ME3: variants seen among roughly 807,000 people sequenced by gnomAD.
ME3 encodes the protein malic enzyme 3, also known as NADP-dependent malic enzyme, mitochondrial.
A neutral mutation model predicts 68.9 loss-of-function variants in ME3; 48 were observed. That is an observed-to-expected ratio of 0.70 (90% CI 0.55 to 0.89). The LOEUF (loss-of-function observed/expected upper bound fraction) is 0.89, where lower values mean the gene tolerates loss of function less well. Ranked by LOEUF, ME3 falls within the 40% of genes least tolerant of loss-of-function variation. The pLI, the probability that ME3 is intolerant of heterozygous loss-of-function variation, is 0.00. For synonymous variants in ME3, 320 were observed against 318.8 expected (o/e 1.00, Z -0.04); for missense variants, 675 against 797.4 (o/e 0.85, Z 1.85).
chr11:86,465,877 C>T lies in ME3; in HGVS notation c.810-677G>A, dbSNP rs570966390. Among the ~76,000 whole-genome samples the T allele has an allele frequency of 2.0e-4, 31 of 152,302 alleles. No individual in the cohort carries two copies. In the South Asian group the frequency reaches 6.4e-3, roughly 32 times the overall value. The stretch of plus-strand genomic sequence containing the variant: ...GGTCACCAGGCCCATCTCACAGAGT[C>T]TCACTCGGAGTGTGGGATGGGGTCA... On this transcript the variant is annotated intron_variant, in intron 7 of 14. Transcript: ENST00000543262.
In ME3 at chr11:86,477,777, G is replaced by C. The variant is rs575432090; in HGVS notation, c.809+9560C>G. Among the ~76,000 whole-genome samples, 5 of 152,246 alleles carry C rather than the reference G, an allele frequency of 3.3e-5. No homozygotes were observed. The East Asian group carries it at 9.7e-4, about 29-fold the overall frequency. ...GCAAACTCACTCAATTATGCAGTCT[G>C]CTTGGTGCGATGGAAGTGAAAATGT... On this transcript the variant is annotated intron_variant, in intron 7 of 14. Transcript: ENST00000543262.
chr11:86,604,025 A>G (rs906076168), intron 2 of ME3, among the ~76,000 whole-genome samples: 6 of 151,608 alleles, frequency 4.0e-5, no homozygotes, highest in African/African-American at 1.5e-4. Context: ...CAGCACACCA[A>G]CGTGGCACAT....
intron 2 of ME3, among the ~76,000 whole-genome samples, chr11:86,599,125 AG>A (rs1422706144): frequency 6.6e-6 from 1 of 152,254 alleles, no homozygotes; most frequent in Non-Finnish European, 1.5e-5. Flanking sequence ...AGTTGAGAGA[AG>A]AAGGCTTCAG....
chr11:86,658,532 A>G (rs1288547777), intron 2 of ME3, among the ~76,000 whole-genome samples: 1 of 152,176 alleles, frequency 6.6e-6, no homozygotes, highest in Non-Finnish European at 1.5e-5. Context: ...TTGTGCCAGT[A>G]ATTTTGAGCC....
At chr11:86,564,391 A>G (rs368259811) in intron 2 of ME3, among the ~76,000 whole-genome samples, 206 of 151,982 alleles carry the variant, frequency 1.4e-3, no homozygotes, top group African/African-American at 4.1e-3. Flanking sequence ...CACATGGACT[A>G]GCAAGGGACC....
chr11:86,646,492 G>A (rs471780), intron 2 of ME3, among the ~76,000 whole-genome samples: 138,554 of 152,296 alleles, frequency 0.91, 63,113 homozygotes, highest in Middle Eastern at 0.96. Flanking sequence ...CATGAAGACA[G>A]GATTAGAGAA....
At chr11:86,454,266 G>A (rs1178507663) in intron 8 of ME3, among the ~76,000 whole-genome samples, 1 of 152,154 alleles carries the variant, frequency 6.6e-6, no homozygotes, top group Non-Finnish European at 1.5e-5. Context: ...TAGAGCAAAG[G>A]CATAAAATAT....
intron 9 of ME3, 53 bp downstream of exon 9, chr11:86,450,248 C>A (rs1949557911): frequency 1.3e-6 from 2 of 1,540,872 alleles, no homozygotes; most frequent in Non-Finnish European, 1.8e-6. Flanking sequence ...TATGCTTCCA[C>A]CCATTCTTAT....
intron 7 of ME3, among the ~76,000 whole-genome samples, chr11:86,484,871 G>A (rs1951601264): frequency 1.3e-5 from 2 of 152,196 alleles, no homozygotes; most frequent in South Asian, 4.1e-4. Flanking sequence ...GCCTCTCTGA[G>A]TCTCAGTTTT....
At chr11:86,473,341 G>T (rs1950887632) in intron 7 of ME3, among the ~76,000 whole-genome samples, 1 of 152,220 alleles carries the variant, frequency 6.6e-6, no homozygotes. Flanking sequence ...GACCACTTTT[G>T]GTGGGGAAGG....
intron 8 of ME3, among the ~76,000 whole-genome samples, chr11:86,463,480 C>T (rs1160062266): frequency 1.3e-5 from 2 of 152,220 alleles, no homozygotes; most frequent in African/African-American, 4.8e-5. Flanking sequence ...TCCTGAACTG[C>T]ACAGCCCTGT....
intron 4 of ME3, among the ~76,000 whole-genome samples, chr11:86,529,748 G>A (rs879922905): frequency 2.0e-5 from 3 of 152,122 alleles, no homozygotes; most frequent in Non-Finnish European, 2.9e-5. Context: ...CAGAACCAAA[G>A]ACAAAAACCA....
chr11:86,439,382 A>G (rs1948916540), downstream of ME3, among the ~76,000 whole-genome samples: 1 of 152,206 alleles, frequency 6.6e-6, no homozygotes, highest in Non-Finnish European at 1.5e-5. Flanking sequence ...TTTGAAATGT[A>G]CTGTTTTCCA....
intron 8 of ME3, among the ~76,000 whole-genome samples, chr11:86,462,347 A>G (rs1950262831): frequency 6.6e-6 from 1 of 152,242 alleles, no homozygotes; most frequent in African/African-American, 2.4e-5. Flanking sequence ...TAGTCTATTT[A>G]TGTGTTAATC....
At chr11:86,614,714 A>C (rs902402571) in intron 2 of ME3, among the ~76,000 whole-genome samples, 2 of 152,024 alleles carry the variant, frequency 1.3e-5, no homozygotes, top group African/African-American at 4.8e-5. Context: ...TCAAACCTCA[A>C]ATATTCACTT....
chr11:86,574,037 A>G (rs901544353), intron 2 of ME3, among the ~76,000 whole-genome samples: 7 of 152,114 alleles, frequency 4.6e-5, no homozygotes, highest in Non-Finnish European at 8.8e-5. Flanking sequence ...GTTTGCCAGT[A>G]TTTTATTGAG....
chr11:86,523,219 T>C (rs1954460088), intron 4 of ME3, among the ~76,000 whole-genome samples: 1 of 152,210 alleles, frequency 6.6e-6, no homozygotes. Context: ...TTTATTTAGC[T>C]CCCATTGGGA....
At chr11:86,577,913 A>G (rs1247227436) in intron 2 of ME3, among the ~76,000 whole-genome samples, 1 of 152,244 alleles carries the variant, frequency 6.6e-6, no homozygotes, top group Non-Finnish European at 1.5e-5. Flanking sequence ...TGTGGCTAGT[A>G]AATGCCATAC....
chr11:86,672,065 G>A, intron 1 of ME3, 107 bp from the exon 2 acceptor site: 1 of 926,986 alleles, frequency 1.1e-6, no homozygotes, highest in Non-Finnish European at 1.5e-6. Context: ...CTGGGAGAGG[G>A]CAGGTGCTCC....
Sources: allele counts gnomAD v4.1 joint callset (sites outside exome capture counted in the v4.1 genomes callset), GRCh38; gene constraint gnomAD v4.1.1; transcripts MANE v1.5; gene names NCBI Gene and HGNC (gene_info 2026-07-23, HGNC 2026-07-21).